Variants in HEPACAM2 observed in about 807,000 individuals in gnomAD.
HEPACAM2 encodes the protein mitotic kinetics regulator.
HEPACAM2 carries 49 observed loss-of-function variants against 49.6 expected under a neutral mutation model. The observed-to-expected ratio is 0.99, with a 90% CI of 0.78 to 1.25. The LOEUF (loss-of-function observed/expected upper bound fraction) is 1.25, where lower values mean the gene tolerates loss of function less well. Ranked by LOEUF, HEPACAM2 falls within the 50% of genes most tolerant of loss-of-function variation. The pLI is 0.00. For missense variants in HEPACAM2, 525 were observed against 557.2 expected, an observed-to-expected ratio of 0.94 and a Z score of 0.58; for synonymous variants, 197 against 202.9, an observed-to-expected ratio of 0.97 and a Z score of 0.25.
chr7:93,230,713 C>G (rs1794610364), upstream of HEPACAM2, among the ~76,000 whole-genome samples: 1 of 152,152 alleles, frequency 6.6e-6, no homozygotes, highest in Non-Finnish European at 1.5e-5. Context: ...AAAGAACAGT[C>G]TGACAATTAA....
rs544111598 is a variant in HEPACAM2 at position 93,215,442 on chromosome 7, A to G, written c.674T>C (p.Val225Ala). 3.1e-6 allele frequency: 5 copies of G among 1,613,850 alleles called. No homozygotes were observed. In the East Asian group the frequency reaches 1.1e-4, roughly 36 times the overall value. ...AATGATATCACTTTCCATTTCACTGACAGGGTTCCTCACCAGGCAGCTGTA... is the reference window on the plus strand; with the variant it reads ...AATGATATCACTTTCCATTTCACTGGCAGGGTTCCTCACCAGGCAGCTGTA... ...GNYSCLVRNP[V>A]SEMESDIIMP... Residue 225 changes from valine (V) to alanine (A), a missense_variant, in exon 3 of 10, where the codon GTC (valine) becomes GCC (alanine). Transcript: ENST00000394468.
chr7:93,212,510 G>A (rs1351171660), intron 3 of HEPACAM2, among the ~76,000 whole-genome samples: 4 of 150,836 alleles, frequency 2.7e-5, no homozygotes, highest in Non-Finnish European at 4.4e-5. Context: ...AGAAATGCAC[G>A]GTTTTTTTTT....
intron 6 of HEPACAM2, 38 bp from the exon 7 acceptor site, chr7:93,197,316 A>G: frequency 1.2e-6 from 2 of 1,608,690 alleles, no homozygotes; most frequent in East Asian, 4.5e-5. Flanking sequence ...CAGGGATAAT[A>G]ATTGAGGAAT....
At chr7:93,218,861 C>T (rs1794377773) in intron 2 of HEPACAM2, among the ~76,000 whole-genome samples, 1 of 152,142 alleles carries the variant, frequency 6.6e-6, no homozygotes, top group African/African-American at 2.4e-5. Flanking sequence ...ATAAGTTATA[C>T]TTAGTGCTTG....
chr7:93,207,794 A>T (rs976294848), intron 4 of HEPACAM2, among the ~76,000 whole-genome samples: 1 of 151,898 alleles, frequency 6.6e-6, no homozygotes, highest in African/African-American at 2.4e-5. Context: ...AAGCAGAGAC[A>T]TCCAGAGGCA....
chr7:93,197,530 A>T lies in HEPACAM2; in HGVS notation c.1093T>A (p.Ser365Thr). 1 of 1,596,536 alleles carries T rather than the reference A, an allele frequency of 6.3e-7. No individual in the cohort carries two copies. The highest frequency in any genetic ancestry group is 8.6e-7 in the Non-Finnish European group (1 of 1,166,836). The change falls in exon 5 of 10, where the codon TCC becomes ACC. Residue 365 changes from serine to threonine, a missense_variant. Physicochemically the swap from Ser to Thr is moderately conservative, Grantham distance 58. Coordinates refer to ENST00000394468, the MANE Select transcript of HEPACAM2 (RefSeq NM_001039372.4). ...ITGISLFLII[S>T]MCLLFLWKKY... Reference sequence around the variant, plus strand: ...TTCCATAGGAAGAGAAGACACATGGATATAATCAAAAATAGTGATATTCCA... The same window carrying T: ...TTCCATAGGAAGAGAAGACACATGGTTATAATCAAAAATAGTGATATTCCA...
intron 1 of HEPACAM2, among the ~76,000 whole-genome samples, chr7:93,220,422 G>T (rs1794425138): frequency 6.6e-6 from 1 of 152,202 alleles, no homozygotes; most frequent in African/African-American, 2.4e-5. Context: ...CTTTGAGGGT[G>T]TCAGAAACAA....
intron 8 of HEPACAM2, among the ~76,000 whole-genome samples, chr7:93,194,336 A>G (rs904906354): frequency 6.6e-6 from 1 of 152,190 alleles, no homozygotes; most frequent in Admixed American, 6.5e-5. Flanking sequence ...CAAAAATTCA[A>G]TTATAAGTCT....
In HEPACAM2 at chr7:93,192,364, C is replaced by A. The variant is rs754025041; in HGVS notation, c.1276-1G>T. Reference sequence around the variant, plus strand: ...AGGCTGGAACAGACCTGCTTGGGATCTAGAAAATGTGATACATTAAAAATA... The same window carrying A: ...AGGCTGGAACAGACCTGCTTGGGATATAGAAAATGTGATACATTAAAAATA... On this transcript the variant is annotated splice_acceptor_variant, in intron 8 of 9. Transcript: ENST00000394468. LOFTEE classifies it high-confidence loss of function. 6.2e-7 allele frequency: 1 copy of A among 1,605,606 alleles called. No homozygotes were observed. Among genetic ancestry groups the A allele is most frequent in the Non-Finnish European group, 8.5e-7 (1 of 1,173,594 alleles).
At chr7:93,226,316 A>T (rs1264206913) in intron 1 of HEPACAM2, 52 bp downstream of exon 1, 20 of 737,858 alleles carry the variant, frequency 2.7e-5, no homozygotes, top group Non-Finnish European at 3.8e-5. Flanking sequence ...GTCCACAATT[A>T]AAAAAAAAAA....
Position 93,204,982 on chromosome 7 carries a change from C to T in HEPACAM2, c.1012+3598G>A, listed in dbSNP as rs1793992541. Among the ~76,000 whole-genome samples the T allele has an allele frequency of 2.0e-5, 3 of 152,006 alleles. No homozygotes were observed. In the South Asian group the frequency reaches 6.2e-4, roughly 32 times the overall value. On this transcript the variant is annotated intron_variant, in intron 4 of 9. Transcript: ENST00000394468. The stretch of plus-strand genomic sequence containing the variant: ...AGGCATGGTGGCACGTGCCTTTAAT[C>T]CCAGCTACTTGGGGGACTGAGGCAA...
chr7:93,224,084 AT>A (rs1488397940), intron 1 of HEPACAM2, among the ~76,000 whole-genome samples: 2 of 152,110 alleles, frequency 1.3e-5, no homozygotes, highest in Non-Finnish European at 2.9e-5. Context: ...AAACCTATTG[AT>A]TTTAGAAAAT....
upstream of HEPACAM2, among the ~76,000 whole-genome samples, chr7:93,231,275 A>G (rs1794623395): frequency 6.6e-6 from 1 of 152,132 alleles, no homozygotes; most frequent in Non-Finnish European, 1.5e-5. Context: ...TACTTTTAGA[A>G]GTTAACATTA....
chr7:93,207,858 T>C (rs940311508), intron 4 of HEPACAM2, among the ~76,000 whole-genome samples: 1 of 151,934 alleles, frequency 6.6e-6, no homozygotes, highest in African/African-American at 2.4e-5. Flanking sequence ...TGTACCAGTG[T>C]TACATGAAGA....
In HEPACAM2 at chr7:93,197,491, AG is replaced by A. The variant is rs1165817641; in HGVS notation, c.1131del (p.Tyr378ThrfsTer4). The A allele has an allele frequency of 6.3e-7, 1 of 1,592,124 alleles. No individual in the cohort carries two copies. The highest frequency in any genetic ancestry group is 1.4e-5 in the African/African-American group (1 of 73,722). On this transcript the variant is annotated frameshift_variant, in exon 5 of 10. Transcript: ENST00000394468. LOFTEE classifies it high-confidence loss of function. ...TTTTGTAATTTTAACCTACCTTTGTAGGGTTGATATTTTTTCCATAGGAAGA... is the reference window on the plus strand; with the variant it reads ...TTTTGTAATTTTAACCTACCTTTGTAGGTTGATATTTTTTCCATAGGAAGA... ...CLLFLWKKYQ[P>X]YKVIKQKLEG...
chr7:93,226,207 C>T (rs1377054942), intron 1 of HEPACAM2, among the ~76,000 whole-genome samples, 161 bp downstream of exon 1: 2 of 151,968 alleles, frequency 1.3e-5, no homozygotes, highest in African/African-American at 4.8e-5. Context: ...TTAAATGTTC[C>T]TGCTTCTTTG....
chr7:93,224,765 T>C (rs1794510094), intron 1 of HEPACAM2, among the ~76,000 whole-genome samples: 1 of 152,232 alleles, frequency 6.6e-6, no homozygotes. Context: ...ATGTGTGGTA[T>C]TAACAAGCAT....
Position 93,211,864 on chromosome 7 carries a change from C to T in HEPACAM2, c.716-2988G>A, listed in dbSNP as rs565628271. Among the ~76,000 whole-genome samples the T allele has an allele frequency of 3.9e-5, 6 of 152,110 alleles. No individual in the cohort carries two copies. The South Asian group carries it at 1.0e-3, about 26-fold the overall frequency. On this transcript the variant is annotated intron_variant, in intron 3 of 9. Coordinates refer to ENST00000394468, the MANE Select transcript of HEPACAM2 (RefSeq NM_001039372.4). ...ACTTGATAAAGAAGAAAAATGTGGTCACGAAAATACAGCCACTCAATTTAG... is the reference window on the plus strand; with the variant it reads ...ACTTGATAAAGAAGAAAAATGTGGTTACGAAAATACAGCCACTCAATTTAG...
At chr7:93,214,907 G>T (rs1388417329) in intron 3 of HEPACAM2, among the ~76,000 whole-genome samples, 2 of 152,124 alleles carry the variant, frequency 1.3e-5, no homozygotes, top group African/African-American at 4.8e-5. Context: ...CCTATGGCTA[G>T]AGTTTAAAGA....
Sources: gnomAD v4.1 joint callset for allele counts (sites outside exome capture counted in the v4.1 genomes callset) on GRCh38, gnomAD v4.1.1 for gene constraint, MANE v1.5 for transcripts, NCBI Gene and HGNC (gene_info 2026-07-23, HGNC 2026-07-21) for gene names.